Variants in PCDH11X observed in about 807,000 individuals in gnomAD.
PCDH11X encodes protocadherin 11 X-linked.
A neutral mutation model predicts 53.3 loss-of-function variants in PCDH11X; 18 were observed. The observed-to-expected ratio is 0.34, with a 90% CI of 0.23 to 0.50. The LOEUF is 0.50. Among genes scored for constraint, PCDH11X ranks in the 20% least tolerant of loss-of-function variants. PCDH11X has a pLI of 0.98. For missense variants in PCDH11X, 570 were observed against 1,032.4 expected (o/e 0.55, Z 6.14); for synonymous variants, 279 against 393.3 (o/e 0.71, Z 3.44).
rs780270718 is a variant in PCDH11X at position 92,134,946 on chromosome X, G to A, written c.3034-66429G>A. 1.4e-4 allele frequency among the ~76,000 whole-genome samples: 16 copies of A among 110,830 alleles called. 1 individual carries two copies. In the East Asian group the frequency reaches 4.6e-3, roughly 32 times the overall value. On this transcript the variant is annotated intron_variant, in intron 6 of 10. Coordinates refer to ENST00000682573, the MANE Select transcript of PCDH11X (RefSeq NM_032968.5). ...CCTATCTCATCCTGTGTCTTAGAAT[G>A]CCTTAACCATCTGGGAATGCAGCCC...
At chrX:91,881,900 G>C (rs1391636797) in intron 6 of PCDH11X, among the ~76,000 whole-genome samples, 2 of 111,174 alleles carry the variant, frequency 1.8e-5, no homozygotes, top group East Asian at 5.6e-4. Flanking sequence ...TTCAAAATGA[G>C]GGTTTGGGGA....
At chrX:92,338,310 T>C (rs1369174856) in intron 8 of PCDH11X, among the ~76,000 whole-genome samples, 4 of 111,963 alleles carry the variant, frequency 3.6e-5, no homozygotes, top group Non-Finnish European at 7.5e-5. Flanking sequence ...GGCTACACTC[T>C]GTATTGATTA....
chrX:91,930,585 C>T (rs1426168923), intron 6 of PCDH11X, among the ~76,000 whole-genome samples: 2 of 80,847 alleles, frequency 2.5e-5, no homozygotes, highest in African/African-American at 8.1e-5. Flanking sequence ...TTGTTTCTTT[C>T]TCAGAAAAAA....
chrX:91,947,119 A>G (rs1405555404), intron 6 of PCDH11X, among the ~76,000 whole-genome samples: 1 of 106,898 alleles, frequency 9.4e-6, no homozygotes, highest in Non-Finnish European at 1.9e-5. Flanking sequence ...ATTCATATTC[A>G]TGCTGAGACT....
chrX:92,515,441 A>G (rs2148710805), intron 10 of PCDH11X: 1 of 336,425 alleles, frequency 3.0e-6, no homozygotes, highest in South Asian at 1.2e-4. Flanking sequence ...GGTAGGCGTC[A>G]TTCAGGTTCT....
intron 7 of PCDH11X, among the ~76,000 whole-genome samples, chrX:92,208,158 G>A (rs2066509800): frequency 1.0e-5 from 1 of 99,846 alleles, no homozygotes; most frequent in East Asian, 3.2e-4. Context: ...TTGTACCAAT[G>A]CACTCCAGCC....
At chrX:92,355,209 T>C (rs6615371) in intron 8 of PCDH11X, among the ~76,000 whole-genome samples, 16,006 of 91,973 alleles carry the variant, frequency 0.17, 2,252 homozygotes, top group East Asian at 0.77. Context: ...GGGCGGATCA[T>C]GAGGTCAGGA....
At chrX:92,249,870 C>T (rs924937376) in intron 7 of PCDH11X, among the ~76,000 whole-genome samples, 3 of 111,556 alleles carry the variant, frequency 2.7e-5, no homozygotes, top group African/African-American at 9.8e-5. Flanking sequence ...TCAAATACTC[C>T]TAATTTCCTT....
intron 6 of PCDH11X, among the ~76,000 whole-genome samples, chrX:92,163,206 A>C (rs2148262684): frequency 9.1e-6 from 1 of 109,874 alleles, no homozygotes; most frequent in South Asian, 4.1e-4. Context: ...AACAGTGCTG[A>C]GTTTGTTTCC....
At chrX:92,007,564 T>A (rs2062622242) in intron 6 of PCDH11X, among the ~76,000 whole-genome samples, 1 of 112,181 alleles carries the variant, frequency 8.9e-6, no homozygotes. Context: ...TCAAGTCCTG[T>A]AATCACAGAC....
chrX:92,249,198 A>T (rs967761766), intron 7 of PCDH11X, among the ~76,000 whole-genome samples: 3 of 111,375 alleles, frequency 2.7e-5, no homozygotes, highest in East Asian at 2.8e-4. Context: ...TTACATTTTT[A>T]AAAAATGCTT....
At chrX:92,328,693 C>T (rs2069392976) in intron 8 of PCDH11X, among the ~76,000 whole-genome samples, 1 of 110,516 alleles carries the variant, frequency 9.0e-6, no homozygotes, top group Admixed American at 9.7e-5. Context: ...ATGAAATATG[C>T]AAATTACTTG....
intron 5 of PCDH11X, among the ~76,000 whole-genome samples, chrX:91,874,298 T>G (rs2147720974): frequency 9.0e-6 from 1 of 110,744 alleles, no homozygotes; most frequent in Non-Finnish European, 1.9e-5. Context: ...CATGAAATTC[T>G]ATTTTTTCTT....
rs1306610236 is a variant in PCDH11X, at chrX:91,824,924, G to A, written c.-44-10537G>A. The stretch of plus-strand genomic sequence containing the variant: ...GACCCTCAGCTGCAGGTCTGTCGGA[G>A]TACCCTGCAGTGTGAGGTGTCAGTG... On this transcript the variant is annotated intron_variant, in intron 4 of 10. Coordinates refer to ENST00000682573, the MANE Select transcript of PCDH11X (RefSeq NM_032968.5). 8.3e-5 allele frequency among the ~76,000 whole-genome samples: 9 copies of A among 108,042 alleles called. No individual in the cohort carries two copies. The East Asian group carries it at 2.3e-3, about 27-fold the overall frequency. 93.8% of individuals were successfully genotyped at this position (108,042 alleles called of 115,157 possible). A position where few individuals can be genotyped will look rare whatever the true frequency, so the allele number is the denominator to read the frequency against.
intron 6 of PCDH11X, among the ~76,000 whole-genome samples, chrX:92,041,300 T>C (rs1044505445): frequency 4.6e-5 from 5 of 109,196 alleles, no homozygotes; most frequent in Non-Finnish European, 7.6e-5. Flanking sequence ...GACTACAAAT[T>C]ATAAAACCTA....
intron 10 of PCDH11X, among the ~76,000 whole-genome samples, chrX:92,609,341 A>G (rs1201826582): frequency 1.8e-5 from 2 of 111,676 alleles, no homozygotes; most frequent in Non-Finnish European, 3.8e-5. Context: ...ACTGTTATCT[A>G]AATTCCCTGT....
At chrX:92,078,796 T>C (rs1467270236) in intron 6 of PCDH11X, among the ~76,000 whole-genome samples, 1 of 111,225 alleles carries the variant, frequency 9.0e-6, no homozygotes, top group Non-Finnish European at 1.9e-5. Flanking sequence ...TATTTTTGCA[T>C]GTTTATTTCT....
At chrX:92,254,506 G>A (rs60570207) in intron 7 of PCDH11X, among the ~76,000 whole-genome samples, 42 of 106,630 alleles carry the variant, frequency 3.9e-4, no homozygotes, top group African/African-American at 1.0e-3. Context: ...GTTATTTTGC[G>A]CGTTAGTTGA....
intron 10 of PCDH11X, among the ~76,000 whole-genome samples, chrX:92,533,388 T>C (rs1311064158): frequency 9.3e-6 from 1 of 107,119 alleles, no homozygotes; most frequent in Admixed American, 1.0e-4. Context: ...ATGTTACAGA[T>C]GGTCTCTCTG....
Sources: allele counts gnomAD v4.1 joint callset (sites outside exome capture counted in the v4.1 genomes callset), GRCh38; gene constraint gnomAD v4.1.1; transcripts MANE v1.5; gene names NCBI Gene and HGNC (gene_info 2026-07-23, HGNC 2026-07-21).